POLR3E: variants seen among roughly 807,000 people sequenced by gnomAD.
POLR3E encodes RNA polymerase III subunit E.
A neutral mutation model predicts 96.6 loss-of-function variants in POLR3E; 41 were observed. The ratio of observed to expected loss-of-function variants is 0.42; its 90% CI spans 0.33 to 0.55. The LOEUF (loss-of-function observed/expected upper bound fraction) is 0.55. Ranked by LOEUF, POLR3E falls within the 20% of genes least tolerant of loss-of-function variation. POLR3E has a pLI of 0.06. For synonymous variants in POLR3E, 396 were observed against 383.6 expected, an observed-to-expected ratio of 1.03 and a Z score of -0.38; for missense variants, 849 against 952.1, an observed-to-expected ratio of 0.89 and a Z score of 1.43.
chr16:22,307,797 G>T (rs1236763605), intron 3 of POLR3E, among the ~76,000 whole-genome samples: 1 of 152,196 alleles, frequency 6.6e-6, no homozygotes, highest in African/African-American at 2.4e-5. Flanking sequence ...CCTGTCCACT[G>T]GTAGTTAGGC....
In POLR3E at chr16:22,318,895, G is replaced by A. The variant is rs1382000181; in HGVS notation, c.935G>A (p.Arg312Gln). 7 of 1,613,848 alleles carry A rather than the reference G, an allele frequency of 4.3e-6. No individual in the cohort carries two copies. Among genetic ancestry groups the A allele is most frequent in the East Asian group, 4.5e-5 (2 of 44,876 alleles). Residue 312 changes from arginine (R) to glutamine (Q), a missense_variant, in exon 13 of 21, where the codon CGG becomes CAG. Arg to Gln is a conservative substitution (Grantham distance 43, BLOSUM62 1). Coordinates refer to ENST00000299853, the MANE Select transcript of POLR3E (RefSeq NM_018119.4). This position sits in a 1 kb window ranked among gnomAD's most constrained non-coding sequence, Gnocchi z 5.0. ...GPSIDSVAVL[R>Q]GIQKVAMLVQ... Reference sequence around the variant, plus strand: ...TCCATCGATTCCGTGGCTGTTCTGCGGGGCATCCAGAAGGTGGCGATGTTG... The same window carrying A: ...TCCATCGATTCCGTGGCTGTTCTGCAGGGCATCCAGAAGGTGGCGATGTTG...
intron 6 of POLR3E, among the ~76,000 whole-genome samples, chr16:22,311,431 A>G (rs1217168826): frequency 2.0e-5 from 3 of 151,590 alleles, no homozygotes; most frequent in Non-Finnish European, 2.9e-5. Context: ...CTTTTATACT[A>G]TACTTTTACT....
At chr16:22,326,443 A>G in intron 18 of POLR3E, 165 bp downstream of exon 18, 1 of 658,268 alleles carries the variant, frequency 1.5e-6, no homozygotes, top group Non-Finnish European at 2.7e-6. Context: ...CTCTATTCTC[A>G]TGAAATGGGA....
chr16:22,332,515 C>T (rs939141267), intron 20 of POLR3E, among the ~76,000 whole-genome samples: 2 of 152,046 alleles, frequency 1.3e-5, no homozygotes, highest in Admixed American at 1.3e-4. Context: ...TCACTAGAGA[C>T]AGAAACTAAA....
chr16:22,308,814 C>T lies in POLR3E; in HGVS notation c.166-111C>T, dbSNP rs116864336. 9.3e-3 allele frequency: 6,212 copies of T among 666,414 alleles called. 40 individuals carry two copies. Among genetic ancestry groups the T allele is most frequent in the Non-Finnish European group, 0.013 (5,048 of 380,610 alleles). 41.3% of individuals were successfully genotyped at this position (666,414 alleles called of 1,614,324 possible). A position where few individuals can be genotyped will look rare whatever the true frequency, so the allele number is the denominator to read the frequency against. On this transcript the variant is annotated intron_variant, in intron 4 of 20. Transcript: ENST00000299853. ...GGCCCTTGGGGACATGTGTCAGTCTCGCTTCCGGGCAGGGTCCTGGTTAGG... is the reference window on the plus strand; with the variant it reads ...GGCCCTTGGGGACATGTGTCAGTCTTGCTTCCGGGCAGGGTCCTGGTTAGG...
At chr16:22,301,538 G>A (rs142477332) in intron 1 of POLR3E, among the ~76,000 whole-genome samples, 13 of 152,052 alleles carry the variant, frequency 8.5e-5, no homozygotes, top group Admixed American at 3.9e-4. Flanking sequence ...TCAAAATCAC[G>A]GCAGAGCACT....
At chr16:22,302,390 A>G (rs1404625897) in intron 1 of POLR3E, 1 of 154,090 alleles carries the variant, frequency 6.5e-6, no homozygotes, top group Non-Finnish European at 1.4e-5. Flanking sequence ...TGTGTTGAAT[A>G]CAGGACAGAA....
At position 22,305,176 on chromosome 16, in the gene POLR3E, G is replaced by A. The variant is rs757622331; in HGVS notation, c.57G>A (p.Lys19=). The change falls in exon 3 of 21, where the codon AAG becomes AAA. Residue 19 remains lysine, a synonymous_variant. Transcript: ENST00000299853. ...VVQEIDVYLA[K]SLAEKLYLFQ... is the part of the protein sequence containing the mutation. ...CCCAGATCGATGTGTACTTGGCCAA[G>A]AGTCTGGCGGAAAAGCTGTATCTAT... The A allele has an allele frequency of 5.0e-6, 8 of 1,613,344 alleles. No homozygotes were observed. The African/African-American group carries it at 1.1e-4, about 22-fold the overall frequency.
chr16:22,332,106 G>A lies in POLR3E; in HGVS notation c.1991G>A (p.Arg664His), dbSNP rs374321456. ...ATTTTTTCCAAAAATTACCGGGTACGCCGAAACATGATCCAGTCTCGGTTG... is the reference window on the plus strand; with the variant it reads ...ATTTTTTCCAAAAATTACCGGGTACACCGAAACATGATCCAGTCTCGGTTG... ...LEIFSKNYRV[R>H]RNMIQSRLTQ... Residue 664 changes from arginine (R) to histidine (H), a missense_variant, in exon 20 of 21, where the codon CGC (arginine) becomes CAC (histidine). By Grantham distance (29) the Arg-to-His change is conservative. Coordinates refer to ENST00000299853, the MANE Select transcript of POLR3E (RefSeq NM_018119.4). 19 of 1,613,292 alleles carry A rather than the reference G, an allele frequency of 1.2e-5. 1 individual carries two copies. The highest frequency in any genetic ancestry group is 2.2e-5 in the East Asian group (1 of 44,890).
In POLR3E at chr16:22,325,810, C is replaced by G. The variant is rs993734619; in HGVS notation, c.1398C>G (p.Thr466=). Residue 466 remains threonine, a synonymous_variant, in exon 18 of 21, where the codon ACC becomes ACG. Transcript: ENST00000299853. The part of the protein sequence containing the change: ...CGDQRIQVAK[T]KAQQNHALLE... ...ACCAGCGGATCCAAGTAGCCAAAAC[C>G]AAGGCCCAGCAGAACCACGCGTTGC... is the stretch of plus-strand genomic sequence containing the variant. The G allele has an allele frequency of 1.2e-6, 2 of 1,605,226 alleles. No individual in the cohort carries two copies. The highest frequency in any genetic ancestry group is 2.7e-5 in the African/African-American group (2 of 74,758).
intron 3 of POLR3E, among the ~76,000 whole-genome samples, chr16:22,306,064 C>T (rs2048126545): frequency 1.3e-5 from 2 of 152,112 alleles, no homozygotes; most frequent in African/African-American, 4.8e-5. Context: ...GTCTGTGCCC[C>T]CCATTCCCAC....
chr16:22,326,295 C>T lies in POLR3E; in HGVS notation c.1866+17C>T. 1 of 1,528,482 alleles carries T rather than the reference C, an allele frequency of 6.5e-7. No homozygotes were observed. 94.7% of individuals were successfully genotyped at this position (1,528,482 alleles called of 1,614,324 possible). Reference sequence around the variant, plus strand: ...CTGGTGCCTGTAAGTAGAGCCCTGCCTGCCAGGGGCATGGGGGGTGGGGGG... The same window carrying T: ...CTGGTGCCTGTAAGTAGAGCCCTGCTTGCCAGGGGCATGGGGGGTGGGGGG... On this transcript the variant is annotated intron_variant, in intron 18 of 20. Transcript: ENST00000299853.
At chr16:22,311,159 G>A (rs963809225) in intron 6 of POLR3E, among the ~76,000 whole-genome samples, 10 of 151,758 alleles carry the variant, frequency 6.6e-5, no homozygotes, top group African/African-American at 2.4e-4. Flanking sequence ...GTAGAGACAG[G>A]GTTTTTGCCA....
intron 1 of POLR3E, chr16:22,298,881 G>T (rs1002923676): frequency 6.8e-6 from 3 of 440,586 alleles, no homozygotes; most frequent in South Asian, 4.8e-5. Context: ...ACCAGCACTG[G>T]ATTTTTTTTT....
chr16:22,325,557 G>C (rs915997662), intron 17 of POLR3E, among the ~76,000 whole-genome samples: 2 of 152,176 alleles, frequency 1.3e-5, no homozygotes, highest in Non-Finnish European at 2.9e-5. Context: ...GCTGCTGGGG[G>C]GAGGAACTCA....
Position 22,334,418 on chromosome 16 carries a change from A to T in POLR3E, c.*718A>T, listed in dbSNP as rs938116448. The T allele has an allele frequency of 6.6e-6, 1 of 152,216 alleles. No homozygotes were observed. The highest frequency in any genetic ancestry group is 1.5e-5 in the Non-Finnish European group (1 of 68,036). The allele number at this position is 152,216 out of a possible 1,614,324, so 9.4% of individuals were successfully genotyped here. A position where few individuals can be genotyped will look rare whatever the true frequency, so the allele number is the denominator to read the frequency against. On this transcript the variant is annotated 3_prime_UTR_variant, in exon 21 of 21. Coordinates refer to ENST00000299853, the MANE Select transcript of POLR3E (RefSeq NM_018119.4). ...AAAAATTTCTATTTTGTGTATTTTT[A>T]AAATAAATGCAAACACTAAACTAGC...
intron 16 of POLR3E, among the ~76,000 whole-genome samples, 171 bp from the exon 17 acceptor site, chr16:22,325,034 G>A (rs2048549979): frequency 1.3e-5 from 2 of 152,046 alleles, no homozygotes; most frequent in Admixed American, 1.3e-4. Flanking sequence ...GGTCTGGGTG[G>A]TCCTGGGGCT....
intron 17 of POLR3E, 165 bp downstream of exon 17, chr16:22,325,431 C>T (rs1005221655): frequency 1.6e-5 from 11 of 677,900 alleles, no homozygotes; most frequent in Admixed American, 2.6e-5. Flanking sequence ...CGCAGCTGGT[C>T]GCTTGCCCAG....
chr16:22,315,012 T>C (rs1431374397), intron 8 of POLR3E, 77 bp from the exon 9 acceptor site: 1 of 1,526,024 alleles, frequency 6.6e-7, no homozygotes, highest in African/African-American at 1.4e-5. Context: ...TTCTCTGGTC[T>C]TCTGGCAGGG....
Sources: allele counts gnomAD v4.1 joint callset (sites outside exome capture counted in the v4.1 genomes callset), GRCh38; gene constraint gnomAD v4.1.1; non-coding constraint Gnocchi (gnomAD v3.1); transcripts MANE v1.5; gene names NCBI Gene and HGNC (gene_info 2026-07-23, HGNC 2026-07-21).